The following CCDC191 variants were observed in gnomAD, a reference collection of about 807,000 sequenced individuals.
CCDC191 encodes coiled-coil domain-containing protein 191.
CCDC191 carries 99 observed loss-of-function variants against 114.0 expected under a neutral mutation model. The ratio of observed to expected loss-of-function variants is 0.87; its 90% confidence interval spans 0.74 to 1.03. CCDC191 has a LOEUF of 1.03. CCDC191 is among the 50% of genes least tolerant of loss of function. The pLI is 0.00. For missense variants in CCDC191, 973 were observed against 1,087.0 expected (o/e 0.90, Z 1.47); for synonymous variants, 351 against 376.0 (o/e 0.93, Z 0.77).
chr3:114,032,054 C>T (rs2076413531), intron 6 of CCDC191, among the ~76,000 whole-genome samples: 1 of 151,962 alleles, frequency 6.6e-6, no homozygotes, highest in African/African-American at 2.4e-5. Context: ...GCACACTGAG[C>T]CATACTTTGA....
chr3:114,010,211 G>A (rs544243570), intron 9 of CCDC191, among the ~76,000 whole-genome samples: 3 of 152,026 alleles, frequency 2.0e-5, no homozygotes, highest in Middle Eastern at 3.4e-3. Flanking sequence ...TCAATGGCCT[G>A]ACTAAAGAAA....
intron 13 of CCDC191, among the ~76,000 whole-genome samples, chr3:113,996,993 C>T (rs1471919595): frequency 6.6e-6 from 1 of 152,138 alleles, no homozygotes; most frequent in Non-Finnish European, 1.5e-5. Context: ...ACCTATGTAA[C>T]AAACCTGCAT....
At chr3:113,983,161 C>T (rs6775521) in intron 13 of CCDC191, among the ~76,000 whole-genome samples, 2,784 of 152,244 alleles carry the variant, frequency 0.018, 68 homozygotes, top group African/African-American at 0.062. Context: ...GCCAAATTCA[C>T]CACTCCCACC....
At chr3:113,977,068 C>G (rs1200592674) in intron 16 of CCDC191, among the ~76,000 whole-genome samples, 1 of 152,078 alleles carries the variant, frequency 6.6e-6, no homozygotes, top group Non-Finnish European at 1.5e-5. Flanking sequence ...GAAATAAACA[C>G]CCATGCACAA....
At chr3:113,990,887 C>G (rs1167275949) in intron 13 of CCDC191, among the ~76,000 whole-genome samples, 1 of 130,548 alleles carries the variant, frequency 7.7e-6, no homozygotes, top group Non-Finnish European at 1.6e-5. Context: ...AATTTGAACC[C>G]AAGTGTTTAA....
At position 113,978,218 on chromosome 3, in the gene CCDC191, G is replaced by T; in HGVS notation, c.2574C>A (p.Gly858=). 1.9e-6 allele frequency: 3 copies of T among 1,614,032 alleles called. No individual in the cohort carries two copies. The highest frequency in any genetic ancestry group is 2.5e-6 in the Non-Finnish European group (3 of 1,179,946). The part of the protein sequence containing the change: ...MVREVKIDSQ[G]KHEIAAEHSD... Reference sequence around the variant, plus strand: ...TGTGCTCCGCTGCAATCTCATGCTTGCCCTGAGAATCGATCTTCACCTCCC... The same window carrying T: ...TGTGCTCCGCTGCAATCTCATGCTTTCCCTGAGAATCGATCTTCACCTCCC... Residue 858 remains glycine (G), a synonymous_variant, in exon 16 of 17, where the codon GGC becomes GGA. Coordinates refer to ENST00000295878, the MANE Select transcript of CCDC191 (RefSeq NM_020817.2).
chr3:113,979,243 T>A (rs1013265109), intron 14 of CCDC191, among the ~76,000 whole-genome samples: 1 of 152,132 alleles, frequency 6.6e-6, no homozygotes, highest in Non-Finnish European at 1.5e-5. Flanking sequence ...ACCACAGTGA[T>A]TTGCTGGTTA....
At chr3:114,049,466 T>C (rs2076673116) in intron 2 of CCDC191, among the ~76,000 whole-genome samples, 1 of 152,158 alleles carries the variant, frequency 6.6e-6, no homozygotes, top group African/African-American at 2.4e-5. Flanking sequence ...AACAAAAAAT[T>C]AGCAACAAAA....
chr3:113,965,741 C>T lies in CCDC191; in HGVS notation c.2607-382G>A, dbSNP rs1940075890. On this transcript the variant is annotated intron_variant, in intron 16 of 16. Transcript: ENST00000295878. ...AGCAGCTGGGATTACAGGTGCCTGC[C>T]ACCATGCCTGGCTAATTTTTTTTTT... Among the ~76,000 whole-genome samples, 4 of 152,110 alleles carry T rather than the reference C, an allele frequency of 2.6e-5. No individual in the cohort carries two copies. In the South Asian group the frequency reaches 8.3e-4, roughly 32 times the overall value.
chr3:114,050,545 A>G (rs2107762988), intron 2 of CCDC191, among the ~76,000 whole-genome samples: 1 of 152,330 alleles, frequency 6.6e-6, no homozygotes, highest in South Asian at 2.1e-4. Context: ...AGGCATCTCA[A>G]GTTGAGCTAC....
intron 13 of CCDC191, among the ~76,000 whole-genome samples, chr3:113,986,818 CCT>C (rs1312688105): frequency 6.6e-6 from 1 of 152,090 alleles, no homozygotes; most frequent in Admixed American, 6.6e-5. Flanking sequence ...CTCCCTCTCC[CCT>C]CTGTCTCCAA....
In CCDC191 at chr3:114,036,762, T is replaced by G; in HGVS notation, c.440A>C (p.Glu147Ala). The stretch of plus-strand genomic sequence containing the variant: ...TTTTTGAACGGTGGTACTTTCCTCT[T>G]CTTCCTCCAAATAGCCACATAAATC... ...FDDLCGYLEE[E>A]EESTTVQKFI... Residue 147 changes from glutamate (E) to alanine (A), a missense_variant, in exon 5 of 17, where the codon GAA (glutamate) becomes GCA (alanine). Transcript: ENST00000295878. 6.4e-7 allele frequency: 1 copy of G among 1,563,590 alleles called. No individual in the cohort carries two copies. The highest frequency in any genetic ancestry group is 1.2e-5 in the South Asian group (1 of 81,058).
rs777296671 is a variant in CCDC191 at position 113,965,111 on chromosome 3, C to G, written c.*44G>C. ...TGGGTGGGTGGAGATAACACACATA[C>G]AGACTAGTCGAGCTTCCTGTCCTAA... On this transcript the variant is annotated 3_prime_UTR_variant, in exon 17 of 17. Transcript: ENST00000295878. The G allele has an allele frequency of 4.7e-6, 6 of 1,288,470 alleles. No individual in the cohort carries two copies. The highest frequency in any genetic ancestry group is 4.8e-5 in the East Asian group (2 of 41,542). 79.8% of individuals were successfully genotyped at this position (1,288,470 alleles called of 1,614,324 possible).
Position 113,980,682 on chromosome 3 carries a change from T to C in CCDC191, c.2275A>G (p.Arg759Gly), listed in dbSNP as rs1348457704. Residue 759 changes from arginine (R) to glycine (G), a missense_variant, in exon 14 of 17, where the codon AGA becomes GGA. By Grantham distance (125) the Arg-to-Gly change is moderately radical. Coordinates refer to ENST00000295878, the MANE Select transcript of CCDC191 (RefSeq NM_020817.2). The part of the protein sequence containing the change: ...LRKKGLEPWK[R>G]LRMQSKQNIQ... The stretch of plus-strand genomic sequence containing the variant: ...TTTTGTTTGCTTTGCATTCTCAATC[T>C]CTTCCAAGGCTCTAGACCTTTTTTC... 3.1e-6 allele frequency: 5 copies of C among 1,596,918 alleles called. No individual in the cohort carries two copies. The Admixed American group carries it at 7.2e-5, about 23-fold the overall frequency.
intron 2 of CCDC191, among the ~76,000 whole-genome samples, chr3:114,047,672 A>C (rs559512869): frequency 6.6e-6 from 1 of 152,104 alleles, no homozygotes; most frequent in African/African-American, 2.4e-5. Context: ...AAAATAAATA[A>C]ATTTAATTAA....
chr3:113,977,805 A>G (rs1314335187), intron 16 of CCDC191, among the ~76,000 whole-genome samples: 1 of 152,206 alleles, frequency 6.6e-6, no homozygotes, highest in Non-Finnish European at 1.5e-5. Flanking sequence ...GCACTTTTCT[A>G]TATTTGTCGT....
intron 13 of CCDC191, among the ~76,000 whole-genome samples, chr3:113,982,922 T>C (rs1017029854): frequency 2.0e-5 from 3 of 151,730 alleles, no homozygotes; most frequent in African/African-American, 7.3e-5. Context: ...TGAGTATAGA[T>C]GCGGATCTCT....
chr3:113,969,999 A>G (rs137902654), intron 16 of CCDC191, among the ~76,000 whole-genome samples: 1 of 152,184 alleles, frequency 6.6e-6, no homozygotes, highest in African/African-American at 2.4e-5. Flanking sequence ...ATCTTTCTAT[A>G]TGTTTGTGTC....
rs983442736 is a variant in CCDC191 at position 114,029,809 on chromosome 3, C to A, written c.972+1817G>T. 1.3e-4 allele frequency among the ~76,000 whole-genome samples: 19 copies of A among 147,356 alleles called. No individual in the cohort carries two copies. In the South Asian group the frequency reaches 1.7e-3, roughly 13 times the overall value. ...CAAGGGGGAGAAAACATAAAAAAAA[C>A]CAAAACGAGAGACAATTCTACAAAA... On this transcript the variant is annotated intron_variant, in intron 7 of 16. Coordinates refer to ENST00000295878, the MANE Select transcript of CCDC191 (RefSeq NM_020817.2).
Sources: allele counts gnomAD v4.1 joint callset (sites outside exome capture counted in the v4.1 genomes callset), GRCh38; gene constraint gnomAD v4.1.1; transcripts MANE v1.5; gene names NCBI Gene and HGNC (gene_info 2026-07-23, HGNC 2026-07-21).